The following MED23 variants were observed in gnomAD, a reference collection of about 807,000 sequenced individuals.
The protein encoded by MED23 is mediator complex subunit 23.
Under a neutral mutation model 163.9 loss-of-function variants are expected in MED23, and 105 were observed. The ratio of observed to expected loss-of-function variants is 0.64; its 90% CI spans 0.55 to 0.75. The LOEUF is 0.75. Ranked by LOEUF, MED23 falls within the 30% of genes least tolerant of loss-of-function variation. The pLI is 0.00. For missense variants in MED23, 1,054 were observed against 1,649.0 expected, an observed-to-expected ratio of 0.64 and a Z score of 6.25; for synonymous variants, 561 against 565.6, an observed-to-expected ratio of 0.99 and a Z score of 0.12.
At chr6:131,618,710 C>A (rs527951640) in intron 8 of MED23, among the ~76,000 whole-genome samples, 191 bp from the exon 9 acceptor site, 1 of 152,158 alleles carries the variant, frequency 6.6e-6, no homozygotes, top group African/African-American at 2.4e-5. Context: ...GATCAATTTG[C>A]ACAGGCTTTC....
downstream of MED23, chr6:131,584,097 T>A (rs991492256): frequency 4.6e-6 from 3 of 658,124 alleles, no homozygotes; most frequent in Non-Finnish European, 7.5e-6. Flanking sequence ...TTTTTGAAAT[T>A]TAAAAGCTTA....
chr6:131,589,072 C>T (rs1300078236), intron 28 of MED23, among the ~76,000 whole-genome samples: 3 of 152,040 alleles, frequency 2.0e-5, no homozygotes, highest in Admixed American at 6.6e-5. Context: ...CTAGTTATGC[C>T]GCGGTTTGTC....
chr6:131,627,159 T>TC lies in MED23; in HGVS notation c.159+236_159+237insG, dbSNP rs564748201. 446 of 460,246 alleles carry TC rather than the reference T, an allele frequency of 9.7e-4. 1 individual carries two copies. The highest frequency in any genetic ancestry group is 1.4e-3 in the Non-Finnish European group (380 of 263,128). The allele number at this position is 460,246 out of a possible 1,614,324, so 28.5% of individuals were successfully genotyped here. On this transcript the variant is annotated intron_variant, in intron 3 of 28. Coordinates refer to ENST00000368068, the MANE Select transcript of MED23 (RefSeq NM_004830.4). The stretch of plus-strand genomic sequence containing the variant: ...CAATTAATCTAACATAGGGGAGGTT[T>TC]TTTTTTTTAAACATCTCACACTGTG...
Position 131,603,107 on chromosome 6 carries a change from A to G in MED23, c.1854T>C (p.His618=). 6.2e-7 allele frequency: 1 copy of G among 1,613,960 alleles called. No homozygotes were observed. Among genetic ancestry groups the G allele is most frequent in the Non-Finnish European group, 8.5e-7 (1 of 1,179,882 alleles). ...FSYRMHHIQP[H]YRVQLLSHLH... is the part of the protein sequence containing the mutation. ...GATGACTCAGGAGCTGAACTCTGTAATGAGGCTGAATATGATGCATCCGGT... is the reference window on the plus strand; with the variant it reads ...GATGACTCAGGAGCTGAACTCTGTAGTGAGGCTGAATATGATGCATCCGGT... Residue 618 remains histidine (H), a synonymous_variant, in exon 16 of 29, where the codon CAT becomes CAC. Transcript: ENST00000368068.
At chr6:131,623,795 C>T (rs1777287269) in intron 4 of MED23, among the ~76,000 whole-genome samples, 1 of 152,202 alleles carries the variant, frequency 6.6e-6, no homozygotes, top group Non-Finnish European at 1.5e-5. Context: ...CCATGCCAAA[C>T]TGTGAGTCAA....
Position 131,596,080 on chromosome 6 carries a change from G to A in MED23, c.2862C>T (p.Ile954=), listed in dbSNP as rs747245486. 2 of 1,614,090 alleles carry A rather than the reference G, an allele frequency of 1.2e-6. No individual in the cohort carries two copies. Among genetic ancestry groups the A allele is most frequent in the South Asian group, 2.2e-5 (2 of 91,078 alleles). Residue 954 remains isoleucine (I), a synonymous_variant, in exon 22 of 29, where the codon ATC becomes ATT. Transcript: ENST00000368068. ...ATCGAAGACACACATTCCCAAAATA[G>A]ATGGGCAGATAGGGAGACTGGATCT... The part of the protein sequence containing the change: ...PVQIQSPYLP[I]YFGNVCLRFL...
At position 131,599,898 on chromosome 6, in the gene MED23, C is replaced by T; in HGVS notation, c.2220+140G>A. ...AGTTAAGACTAGAGGCTTGTGCCAC[C>T]ATGCCCAGCCCCTAAATATTTTTTA... On this transcript the variant is annotated intron_variant, in intron 18 of 28. Transcript: ENST00000368068. 4.8e-6 allele frequency: 5 copies of T among 1,035,054 alleles called. No homozygotes were observed. In the South Asian group the frequency reaches 5.9e-5, roughly 12 times the overall value. 64.1% of individuals were successfully genotyped at this position (1,035,054 alleles called of 1,614,324 possible).
exon 31 of MED23, chr6:131,574,214 A>T: frequency 1.3e-6 from 2 of 1,551,256 alleles, no homozygotes; most frequent in Admixed American, 3.3e-5. Flanking sequence ...ACTAAGGTTG[A>T]TTTTCTCCAG....
chr6:131,602,823 G>C (rs866892973), intron 16 of MED23, among the ~76,000 whole-genome samples: 1 of 151,888 alleles, frequency 6.6e-6, no homozygotes, highest in African/African-American at 2.4e-5. Flanking sequence ...CCTGAAGGAA[G>C]GACTCAACTA....
intron 10 of MED23, 186 bp downstream of exon 10, chr6:131,615,715 TTTTAAA>T (rs1408543739): frequency 2.0e-5 from 13 of 645,486 alleles, no homozygotes; most frequent in South Asian, 1.2e-4. Flanking sequence ...AAATTTTTCT[TTTTAAA>T]TTTAAACATT....
chr6:131,603,130 G>A lies in MED23; in HGVS notation c.1831C>T (p.Arg611Trp), dbSNP rs761672482. Residue 611 changes from arginine to tryptophan, a missense_variant, in exon 16 of 29, where the codon CGG becomes TGG. By Grantham distance (101) the Arg-to-Trp change is moderately radical. Coordinates refer to ENST00000368068, the MANE Select transcript of MED23 (RefSeq NM_004830.4). ...LHTLLEMFSY[R>W]MHHIQPHYRV... Reference sequence around the variant, plus strand: ...TAATGAGGCTGAATATGATGCATCCGGTAGCTAAACATCTCAAGGAGTGTG... The same window carrying A: ...TAATGAGGCTGAATATGATGCATCCAGTAGCTAAACATCTCAAGGAGTGTG... 1.1e-5 allele frequency: 17 copies of A among 1,613,782 alleles called. No homozygotes were observed. Among genetic ancestry groups the A allele is most frequent in the East Asian group, 2.2e-5 (1 of 44,874 alleles).
Position 131,610,038 on chromosome 6 carries a change from G to C in MED23, c.1077+8C>G. The C allele has an allele frequency of 1.2e-6, 2 of 1,611,774 alleles. No individual in the cohort carries two copies. The highest frequency in any genetic ancestry group is 1.7e-6 in the Non-Finnish European group (2 of 1,177,968). ...GAAGTCACTCCGACCATAAGATTTAGTACATACCTTCTGATGAAGAGAAAG... is the reference window on the plus strand; with the variant it reads ...GAAGTCACTCCGACCATAAGATTTACTACATACCTTCTGATGAAGAGAAAG... On this transcript the variant is annotated splice_region_variant and intron_variant, in intron 11 of 28. Coordinates refer to ENST00000368068, the MANE Select transcript of MED23 (RefSeq NM_004830.4).
chr6:131,583,787 G>A, downstream of MED23: 1 of 1,614,044 alleles, frequency 6.2e-7, no homozygotes, highest in Non-Finnish European at 8.5e-7. Flanking sequence ...CCATCCCTGG[G>A]GAAGACACCA....
At chr6:131,603,265 G>A (rs1585505425) in intron 15 of MED23, 61 bp from the exon 16 acceptor site, 1 of 1,515,334 alleles carries the variant, frequency 6.6e-7, no homozygotes, top group Non-Finnish European at 9.2e-7. Context: ...AAAGATATTT[G>A]AAGAAAGTCA....
In MED23 at chr6:131,587,417, T is replaced by C. The variant is rs1340603549; in HGVS notation, c.*262A>G. 67 of 1,291,340 alleles carry C rather than the reference T, an allele frequency of 5.2e-5. No individual in the cohort carries two copies. The highest frequency in any genetic ancestry group is 6.4e-5 in the Non-Finnish European group (65 of 1,015,458). The allele number at this position is 1,291,340 out of a possible 1,614,324, so 80.0% of individuals were successfully genotyped here. On this transcript the variant is annotated 3_prime_UTR_variant, in exon 29 of 29. Coordinates refer to ENST00000368068, the MANE Select transcript of MED23 (RefSeq NM_004830.4). Reference sequence around the variant, plus strand: ...CAAGTCATTTGATCACAGATACCTCTATGTTCCTACATAGCTCTAATAAGT... The same window carrying C: ...CAAGTCATTTGATCACAGATACCTCCATGTTCCTACATAGCTCTAATAAGT...
rs146503444 is a variant in MED23, at chr6:131,609,809, C to T, written c.1077+237G>A. Among the ~76,000 whole-genome samples the T allele has an allele frequency of 4.1e-3, 608 of 150,072 alleles. 2 individuals are homozygous for T. The highest frequency in any genetic ancestry group is 0.016 in the South Asian group (76 of 4,764). On this transcript the variant is annotated intron_variant, in intron 11 of 28. Coordinates refer to ENST00000368068, the MANE Select transcript of MED23 (RefSeq NM_004830.4). ...GGTGCTCCTTGAGGATATTACAGTG[C>T]CTTTTCATCTTGTATCTGCTGGTGC...
At chr6:131,608,329 A>G (rs1456596981) in intron 11 of MED23, among the ~76,000 whole-genome samples, 1 of 152,132 alleles carries the variant, frequency 6.6e-6, no homozygotes, top group Non-Finnish European at 1.5e-5. Flanking sequence ...TAAAAATGCA[A>G]TGTTTTAGAA....
rs1326940562 is a variant in MED23 at position 131,589,397 on chromosome 6, TCTATTA to T, written c.3939+62_3939+67del. The T allele has an allele frequency of 4.1e-6, 6 of 1,454,082 alleles. No homozygotes were observed. The Admixed American group carries it at 7.9e-5, about 19-fold the overall frequency. The allele number at this position is 1,454,082 out of a possible 1,614,324, so 90.1% of individuals were successfully genotyped here. A position where few individuals can be genotyped will look rare whatever the true frequency, so the allele number is the denominator to read the frequency against. On this transcript the variant is annotated intron_variant, in intron 28 of 28. Coordinates refer to ENST00000368068, the MANE Select transcript of MED23 (RefSeq NM_004830.4). Reference sequence around the variant, plus strand: ...AAAATAATCACCCAAACCAAAAAAGTCTATTACTATATGTTCAAGTTTTCTAAATTA... The same window carrying T: ...AAAATAATCACCCAAACCAAAAAAGTCTATATGTTCAAGTTTTCTAAATTA...
rs1365271743 is a variant in MED23, at chr6:131,595,385, T to C, written c.2995+562A>G. ...TTCATCCTAAGACTGCTGCCAACTA[T>C]AACTGGATGTATCTTTCTGAAATAA... On this transcript the variant is annotated intron_variant, in intron 22 of 28. Transcript: ENST00000368068. 3.3e-5 allele frequency among the ~76,000 whole-genome samples: 5 copies of C among 152,230 alleles called. No homozygotes were observed. The South Asian group carries it at 1.0e-3, about 31-fold the overall frequency.
Sources: allele counts gnomAD v4.1 joint callset (sites outside exome capture counted in the v4.1 genomes callset), GRCh38; gene constraint gnomAD v4.1.1; transcripts MANE v1.5; gene names NCBI Gene and HGNC (gene_info 2026-07-23, HGNC 2026-07-21).